Variants in ZBED6 observed in about 807,000 individuals in gnomAD.
ZBED6 encodes zinc finger BED-type containing 6.
Under a neutral mutation model 58.4 loss-of-function variants are expected in ZBED6, and 40 were observed. The ratio of observed to expected loss-of-function variants is 0.68; its 90% CI spans 0.53 to 0.89. The LOEUF is 0.89. Among genes scored for constraint, ZBED6 ranks in the 40% least tolerant of loss-of-function variants. The pLI is 0.00. For synonymous variants in ZBED6, 439 were observed against 350.6 expected (o/e 1.25, Z -2.82); for missense variants, 1,057 against 1,003.9 (o/e 1.05, Z -0.71).
At chr1:203,828,250 A>T in intron 3 of ZBED6, 49 bp from the exon 4 acceptor site, 1 of 1,610,098 alleles carries the variant, frequency 6.2e-7, no homozygotes, top group South Asian at 1.1e-5. Flanking sequence ...CCACATGAAT[A>T]TACGTATCAC....
At chr1:203,837,858 A>G (rs1202201386) in intron 9 of ZBED6, 108 bp from the exon 10 acceptor site, 2 of 1,002,820 alleles carry the variant, frequency 2.0e-6, no homozygotes, top group Admixed American at 2.5e-5. Flanking sequence ...CGCCATATGT[A>G]TGCAGAACAC....
rs368137833 is a variant in ZBED6, at chr1:203,818,576, A to G, written c.*2760A>G. 3.1e-6 allele frequency: 5 copies of G among 1,613,946 alleles called. No individual in the cohort carries two copies. In the African/African-American group the frequency reaches 6.7e-5, roughly 22 times the overall value. On this transcript the variant is annotated 3_prime_UTR_variant, in exon 3 of 17. Transcript: ENST00000550078. ...GTTCTCTATTTGTTTACAGGGTGAC[A>G]GCTGCCCATTCCGTCACTGTGAAGC...
At chr1:203,850,202 T>G in intron 14 of ZBED6, 176 bp downstream of exon 14, 1 of 683,400 alleles carries the variant, frequency 1.5e-6, no homozygotes, top group Non-Finnish European at 2.5e-6. Flanking sequence ...TGAATTCTTT[T>G]CTCAGAATTT....
In ZBED6 at chr1:203,810,651, C is replaced by G. The variant is rs905604315; in HGVS notation, c.*2555-6275C>G. On this transcript the variant is annotated intron_variant, in intron 1 of 16. Coordinates refer to ENST00000550078, the Ensembl canonical transcript of ZBED6. ...AGCCAGGATGGTCTCGATCTCCTGA[C>G]CTCGTGATCCACCCGCCTCGGACTC... Among the ~76,000 whole-genome samples the G allele has an allele frequency of 2.6e-5, 4 of 152,018 alleles. 1 individual carries two copies. Among genetic ancestry groups the G allele is most frequent in the African/African-American group, 9.7e-5 (4 of 41,412 alleles).
chr1:203,816,763 A>G (rs1284932285), intron 1 of ZBED6, among the ~76,000 whole-genome samples, 163 bp from the exon 2 acceptor site: 7 of 152,222 alleles, frequency 4.6e-5, no homozygotes, highest in Admixed American at 4.6e-4. Context: ...TACATTGTAG[A>G]TGGGAATGTA....
chr1:203,809,329 C>T (rs1458512461), intron 1 of ZBED6, among the ~76,000 whole-genome samples: 1 of 151,884 alleles, frequency 6.6e-6, no homozygotes, highest in East Asian at 1.9e-4. Flanking sequence ...GCGCACACTA[C>T]CGTGCCCGGC....
intron 9 of ZBED6, among the ~76,000 whole-genome samples, chr1:203,834,863 C>T (rs1228737443): frequency 2.6e-5 from 4 of 152,170 alleles, no homozygotes; most frequent in Non-Finnish European, 4.4e-5. Flanking sequence ...AGGCTGGTCT[C>T]GAACTCCTGC....
At chr1:203,797,572 G>T in exon 1 of ZBED6, 3 of 1,532,092 alleles carry the variant, frequency 2.0e-6, no homozygotes, top group Non-Finnish European at 1.7e-6. Context: ...TCTCCTGGCA[G>T]AAGATGCAAC....
At chr1:203,829,057 GAAA>G (rs1681437553) in intron 4 of ZBED6, among the ~76,000 whole-genome samples, 1 of 152,106 alleles carries the variant, frequency 6.6e-6, no homozygotes, top group African/African-American at 2.4e-5. Flanking sequence ...CAATTTAAGG[GAAA>G]AAAGTAGACT....
chr1:203,838,194 C>T (rs910643442), intron 10 of ZBED6, 130 bp downstream of exon 10: 14 of 873,682 alleles, frequency 1.6e-5, no homozygotes, highest in Middle Eastern at 2.5e-4. Flanking sequence ...ATATTATTCA[C>T]TCAACAAACA....
chr1:203,806,956 C>G (rs1247457954), intron 1 of ZBED6, among the ~76,000 whole-genome samples: 1 of 146,090 alleles, frequency 6.8e-6, no homozygotes, highest in Admixed American at 6.8e-5. Context: ...TTGTTTTTTA[C>G]CCCTTTTACT....
intron 12 of ZBED6, 138 bp downstream of exon 12, chr1:203,847,825 T>A: frequency 7.8e-7 from 1 of 1,279,272 alleles, no homozygotes; most frequent in Non-Finnish European, 1.1e-6. Context: ...AAATGAAGTT[T>A]TTCAGTAGTG....
chr1:203,803,360 T>A (rs781342645), intron 1 of ZBED6, among the ~76,000 whole-genome samples: 1 of 151,710 alleles, frequency 6.6e-6, no homozygotes, highest in African/African-American at 2.4e-5. Flanking sequence ...CCGGATAATT[T>A]TTGTATTATT....
intron 11 of ZBED6, among the ~76,000 whole-genome samples, chr1:203,842,701 T>G (rs1019024929): frequency 1.3e-5 from 2 of 151,256 alleles, no homozygotes; most frequent in East Asian, 3.9e-4. Context: ...TGTATGAGAT[T>G]ATTCTAATTT....
chr1:203,809,859 C>A (rs1673733962), intron 1 of ZBED6, among the ~76,000 whole-genome samples: 1 of 152,106 alleles, frequency 6.6e-6, no homozygotes, highest in Non-Finnish European at 1.5e-5. Context: ...GAGGGTGAGG[C>A]AGGAGAATTG....
intron 3 of ZBED6, among the ~76,000 whole-genome samples, chr1:203,825,159 A>G (rs543071462): frequency 5.8e-4 from 88 of 151,964 alleles, no homozygotes; most frequent in Non-Finnish European, 8.2e-4. Context: ...CTTGCGTTTC[A>G]TATTAATGAA....
chr1:203,838,311 C>T (rs572104351), intron 10 of ZBED6, among the ~76,000 whole-genome samples: 1 of 152,016 alleles, frequency 6.6e-6, no homozygotes, highest in African/African-American at 2.4e-5. Flanking sequence ...CTTATAAATG[C>T]GATAAATTTT....
In ZBED6 at chr1:203,797,655, G is replaced by GA. The variant is rs1333511967; in HGVS notation, c.137dup (p.Met47AspfsTer8). ...TACAGATGAAGAAGATGTGGTAGAG[G>GA]AAAAGATGGTAGCAGAAGGAGTGAA... On this transcript the variant is annotated frameshift_variant, in exon 1 of 17. Transcript: ENST00000550078. LOFTEE classifies it high-confidence loss of function. The GA allele has an allele frequency of 1.9e-5, 29 of 1,536,052 alleles. No individual in the cohort carries two copies. Among genetic ancestry groups the GA allele is most frequent in the Non-Finnish European group, 2.5e-5 (29 of 1,146,900 alleles).
At chr1:203,838,117 C>G in intron 10 of ZBED6, 53 bp downstream of exon 10, 1 of 1,509,636 alleles carries the variant, frequency 6.6e-7, no homozygotes. Context: ...ACACTTGTGT[C>G]TTGTAATGCT....
Sources: allele counts gnomAD v4.1 joint callset (sites outside exome capture counted in the v4.1 genomes callset), GRCh38; gene constraint gnomAD v4.1.1; transcripts MANE v1.5; gene names NCBI Gene and HGNC (gene_info 2026-07-23, HGNC 2026-07-21).